TMX3: variants seen among roughly 807,000 people sequenced by gnomAD.
TMX3 encodes protein disulfide-isomerase TMX3.
In TMX3, 40 loss-of-function variants were observed where a neutral mutation model predicts 64.4. The ratio of observed to expected loss-of-function variants is 0.62; its 90% CI spans 0.48 to 0.81. The LOEUF (loss-of-function observed/expected upper bound fraction) is 0.81. Ranked by LOEUF, TMX3 falls within the 30% of genes least tolerant of loss-of-function variation. The pLI, the probability that TMX3 is intolerant of heterozygous loss-of-function variation, is 0.00. For synonymous variants in TMX3, 189 were observed against 175.7 expected, an observed-to-expected ratio of 1.08 and a Z score of -0.60; for missense variants, 497 against 534.5, an observed-to-expected ratio of 0.93 and a Z score of 0.69.
At chr18:68,702,175 C>CTAAAAAAAA (rs2030161427) in intron 4 of TMX3, among the ~76,000 whole-genome samples, 1 of 44,036 alleles carries the variant, frequency 2.3e-5, no homozygotes. Flanking sequence ...TTACTCCTCT[C>CTAAAAAAAA]AAAAAAAAAA....
chr18:68,692,298 A>G (rs1175550569), intron 8 of TMX3, among the ~76,000 whole-genome samples: 2 of 152,174 alleles, frequency 1.3e-5, no homozygotes, highest in African/African-American at 2.4e-5. Flanking sequence ...ATATCCCTGA[A>G]TAGTTCTTAC....
At chr18:68,681,429 T>C (rs1913425093) in intron 13 of TMX3, 12 of 974,018 alleles carry the variant, frequency 1.2e-5, no homozygotes, top group South Asian at 4.7e-5. Flanking sequence ...TTCAAACTTA[T>C]GTTGTTCAAC....
At chr18:68,686,326 A>C (rs926417601) in intron 10 of TMX3, among the ~76,000 whole-genome samples, 14 of 152,272 alleles carry the variant, frequency 9.2e-5, no homozygotes, top group African/African-American at 3.1e-4. Context: ...TGTTTTAATC[A>C]CCTCAAGGTC....
chr18:68,710,523 C>T (rs1043769056), intron 3 of TMX3, among the ~76,000 whole-genome samples: 36 of 151,538 alleles, frequency 2.4e-4, no homozygotes, highest in Non-Finnish European at 4.4e-4. Context: ...ATGATAATAT[C>T]AATCTACTTC....
intron 8 of TMX3, among the ~76,000 whole-genome samples, chr18:68,695,868 C>T (rs1424456811): frequency 5.3e-5 from 8 of 152,206 alleles, no homozygotes; most frequent in African/African-American, 1.9e-4. Flanking sequence ...ACATGCACTG[C>T]CATGACTTAC....
At chr18:68,684,115 A>G (rs1913712428) in intron 12 of TMX3, 75 bp downstream of exon 12, 2 of 1,054,806 alleles carry the variant, frequency 1.9e-6, no homozygotes, top group Non-Finnish European at 2.9e-6. Flanking sequence ...CATGAATACT[A>G]CTAAGTTTGC....
intron 2 of TMX3, among the ~76,000 whole-genome samples, chr18:68,712,478 G>C (rs2031383675): frequency 6.6e-6 from 1 of 152,122 alleles, no homozygotes; most frequent in Non-Finnish European, 1.5e-5. Context: ...GAGGCAACTG[G>C]TTGCACATCT....
intron 15 of TMX3, among the ~76,000 whole-genome samples, chr18:68,678,714 G>A (rs1210786628): frequency 6.6e-6 from 1 of 152,094 alleles, no homozygotes; most frequent in African/African-American, 2.4e-5. Context: ...AATATATTTA[G>A]AAAGTATAAT....
intron 5 of TMX3, 99 bp from the exon 6 acceptor site, chr18:68,700,584 A>AATATAT (rs60924597): frequency 0.089 from 92,793 of 1,040,478 alleles, 5,917 homozygotes; most frequent in African/African-American, 0.27. Context: ...TATTACATAA[A>AATATAT]ATAGTAAATG....
rs1055746786 is a variant in TMX3 at position 68,715,077 on chromosome 18, A to G, written c.-96T>C. ...CCGCCCGGAAAGGGAAACGGAGCCGACCCGGAGCGGAAGAGAAGCACCGCG... is the reference window on the plus strand; with the variant it reads ...CCGCCCGGAAAGGGAAACGGAGCCGGCCCGGAGCGGAAGAGAAGCACCGCG... On this transcript the variant is annotated 5_prime_UTR_variant, in exon 1 of 16. Transcript: ENST00000299608. 11 of 1,540,950 alleles carry G rather than the reference A, an allele frequency of 7.1e-6. No homozygotes were observed. In the African/African-American group the frequency reaches 1.2e-4, roughly 17 times the overall value.
At chr18:68,691,025 T>C (rs1914468981) in intron 9 of TMX3, 1 of 346,044 alleles carries the variant, frequency 2.9e-6, no homozygotes, top group East Asian at 4.1e-5. Flanking sequence ...AAGTAATGTA[T>C]AAAAATCACA....
chr18:68,702,430 A>G (rs2030197955), intron 4 of TMX3, among the ~76,000 whole-genome samples: 1 of 152,126 alleles, frequency 6.6e-6, no homozygotes, highest in African/African-American at 2.4e-5. Context: ...TTGCTACAAT[A>G]TCATCTTCTG....
At chr18:68,691,482 T>G (rs573191167) in intron 8 of TMX3, 121 bp from the exon 9 acceptor site, 2 of 602,202 alleles carry the variant, frequency 3.3e-6, no homozygotes, top group South Asian at 3.1e-5. Context: ...CAAAAAAGAA[T>G]GTCACAAACA....
chr18:68,686,451 C>G (rs1913963838), intron 10 of TMX3, among the ~76,000 whole-genome samples: 1 of 152,180 alleles, frequency 6.6e-6, no homozygotes, highest in Non-Finnish European at 1.5e-5. Context: ...TGGCTCACGC[C>G]TATAATCCCA....
intron 4 of TMX3, among the ~76,000 whole-genome samples, chr18:68,708,943 A>T (rs2030992767): frequency 6.6e-6 from 1 of 152,188 alleles, no homozygotes; most frequent in Admixed American, 6.5e-5. Context: ...CAAAAGTAGG[A>T]CATGGCAAAG....
chr18:68,687,603 A>G, intron 10 of TMX3, 64 bp downstream of exon 10: 1 of 1,544,704 alleles, frequency 6.5e-7, no homozygotes, highest in Non-Finnish European at 8.7e-7. Context: ...CTACAAAATA[A>G]GATTTTTAAA....
At chr18:68,692,839 T>C (rs1914654598) in intron 8 of TMX3, among the ~76,000 whole-genome samples, 1 of 152,186 alleles carries the variant, frequency 6.6e-6, no homozygotes, top group Admixed American at 6.5e-5. Flanking sequence ...AGATGCTACA[T>C]ATATGCCCAC....
At chr18:68,686,650 T>C (rs1183002526) in intron 10 of TMX3, 7 of 841,094 alleles carry the variant, frequency 8.3e-6, no homozygotes, top group Non-Finnish European at 1.0e-5. Flanking sequence ...GAGGTTGCAG[T>C]GAGCCAAGAT....
rs1912794789 is a variant in TMX3, at chr18:68,674,795, C to T, written c.*2138G>A. 6.6e-6 allele frequency: 1 copy of T among 152,088 alleles called. No individual in the cohort carries two copies. The highest frequency in any genetic ancestry group is 6.6e-5 in the Admixed American group (1 of 15,266). 9.4% of individuals were successfully genotyped at this position (152,088 alleles called of 1,614,324 possible). A position where few individuals can be genotyped will look rare whatever the true frequency, so the allele number is the denominator to read the frequency against. On this transcript the variant is annotated 3_prime_UTR_variant, in exon 16 of 16. Transcript: ENST00000299608. ...AAATTATTCACTTACAAACCACCTA[C>T]ACATTTTGTTTTCCCAACAGACACA...
Sources: allele counts gnomAD v4.1 joint callset (sites outside exome capture counted in the v4.1 genomes callset), GRCh38; gene constraint gnomAD v4.1.1; transcripts MANE v1.5; gene names NCBI Gene and HGNC (gene_info 2026-07-23, HGNC 2026-07-21).